DNAH17: variants seen among roughly 807,000 people sequenced by gnomAD.
DNAH17 encodes the protein axonemal beta dynein heavy chain 17.
In DNAH17, 376 loss-of-function variants were observed where a neutral mutation model predicts 485.6. The ratio of observed to expected loss-of-function variants is 0.77; its 90% CI spans 0.71 to 0.84. DNAH17 has a LOEUF of 0.84. Ranked by LOEUF, DNAH17 falls within the 40% of genes least tolerant of loss-of-function variation. The pLI is 0.00. For synonymous variants in DNAH17, 3,031 were observed against 2,405.9 expected (o/e 1.26, Z -7.60); for missense variants, 6,370 against 5,839.3 (o/e 1.09, Z -2.96).
chr17:78,564,200 C>T (rs911477629), intron 11 of DNAH17, among the ~76,000 whole-genome samples: 4 of 152,208 alleles, frequency 2.6e-5, no homozygotes, highest in African/African-American at 7.2e-5. Context: ...TCCCCACTGC[C>T]GGATCCCCTA....
chr17:78,564,434 A>AGG lies in DNAH17; in HGVS notation c.1569+2178_1569+2179dup, dbSNP rs571334480. 6.6e-5 allele frequency among the ~76,000 whole-genome samples: 10 copies of AGG among 152,226 alleles called. 1 individual carries two copies. In the South Asian group the frequency reaches 2.1e-3, roughly 32 times the overall value. On this transcript the variant is annotated intron_variant, in intron 11 of 80. Coordinates refer to ENST00000389840, the MANE Select transcript of DNAH17 (RefSeq NM_173628.4). ...AGCACCTCCCCGTGGAGCCAGTGTT[A>AGG]GGGGTGCAGGAGCCACAGAAGCCAG... is the stretch of plus-strand genomic sequence containing the variant.
rs781655963 is a variant in DNAH17 at position 78,558,192 on chromosome 17, G to A, written c.2094C>T (p.Asp698=). ...TCTCTGAGAACAGACTCTCCGCACTGTCTGGAATCTCTTTCTGTTGCTGGA... is the reference window on the plus strand; with the variant it reads ...TCTCTGAGAACAGACTCTCCGCACTATCTGGAATCTCTTTCTGTTGCTGGA... ...LNFQQQKEIP[D]SAESLFSENE... The change falls in exon 14 of 81, where the codon GAC becomes GAT. Residue 698 remains aspartate, a synonymous_variant. Transcript: ENST00000389840. 5.0e-6 allele frequency: 8 copies of A among 1,613,740 alleles called. No individual in the cohort carries two copies. In the East Asian group the frequency reaches 6.7e-5, roughly 13 times the overall value.
intron 16 of DNAH17, among the ~76,000 whole-genome samples, chr17:78,551,292 G>C (rs2091896072): frequency 6.6e-6 from 1 of 152,218 alleles, no homozygotes; most frequent in Admixed American, 6.5e-5. Flanking sequence ...GCACTGGCCT[G>C]GCACAGAGGG....
chr17:78,446,170 T>A (rs1370328365), intron 69 of DNAH17, among the ~76,000 whole-genome samples: 2 of 2,924 alleles, frequency 6.8e-4, no homozygotes, highest in Non-Finnish European at 2.3e-3. Flanking sequence ...TGAGACTCTG[T>A]CTCAAAAAAA....
At chr17:78,503,104 TCTC>T in intron 31 of DNAH17, 93 bp from the exon 32 acceptor site, 1 of 1,431,456 alleles carries the variant, frequency 7.0e-7, no homozygotes, top group Non-Finnish European at 9.2e-7. Context: ...GAAAAACATT[TCTC>T]ATCATCCTCA....
chr17:78,527,122 C>T lies in DNAH17; in HGVS notation c.3508-126G>A, dbSNP rs1284055084. The stretch of plus-strand genomic sequence containing the variant: ...GCAGGGGCCGGCGCGGTGGCTCACA[C>T]CTGTAATCTCAGCACTTTGGGAGGC... On this transcript the variant is annotated intron_variant, in intron 22 of 80. Coordinates refer to ENST00000389840, the MANE Select transcript of DNAH17 (RefSeq NM_173628.4). 10 of 716,726 alleles carry T rather than the reference C, an allele frequency of 1.4e-5. No individual in the cohort carries two copies. The East Asian group carries it at 2.6e-4, about 18-fold the overall frequency. 44.4% of individuals were successfully genotyped at this position (716,726 alleles called of 1,614,324 possible).
In DNAH17 at chr17:78,476,612, A is replaced by G. The variant is rs888812502; in HGVS notation, c.8114T>C (p.Leu2705Ser). The G allele has an allele frequency of 1.9e-6, 3 of 1,611,540 alleles. No individual in the cohort carries two copies. The highest frequency in any genetic ancestry group is 2.5e-6 in the Non-Finnish European group (3 of 1,178,946). ...KMVDEKDQET[L>S]HRVTMASTKK... ...GGTGGAGGCCATGGTGACTCTATGC[A>G]ATGTTTCCTGGTCTTTTTCGTCAAC... Residue 2705 changes from leucine to serine, a missense_variant, in exon 52 of 81, where the codon TTG (leucine) becomes TCG (serine). Physicochemically the swap from Leu to Ser is moderately radical, Grantham distance 145 (BLOSUM62 -2). Transcript: ENST00000389840.
intron 14 of DNAH17, among the ~76,000 whole-genome samples, chr17:78,553,652 G>A (rs1368331529): frequency 2.0e-5 from 3 of 152,202 alleles, no homozygotes; most frequent in East Asian, 3.9e-4. Context: ...TTTGGAAATC[G>A]TATTTCAGGA....
rs977433756 is a variant in DNAH17 at position 78,461,430 on chromosome 17, G to T, written c.9339+114C>A. 7 of 1,157,070 alleles carry T rather than the reference G, an allele frequency of 6.0e-6. No individual in the cohort carries two copies. The South Asian group carries it at 1.1e-4, about 18-fold the overall frequency. 71.7% of individuals were successfully genotyped at this position (1,157,070 alleles called of 1,614,324 possible). ...TGGTTTAGGAACCTTGTCCTTCTAT[G>T]TAAGTCTCAGCCTTTCCCACGCCTG... On this transcript the variant is annotated intron_variant, in intron 58 of 80. Coordinates refer to ENST00000389840, the MANE Select transcript of DNAH17 (RefSeq NM_173628.4).
Position 78,459,801 on chromosome 17 carries a change from G to A in DNAH17, c.9636C>T (p.Ala3212=), listed in dbSNP as rs749803077. 10 of 1,614,044 alleles carry A rather than the reference G, an allele frequency of 6.2e-6. No individual in the cohort carries two copies. The highest frequency in any genetic ancestry group is 1.3e-5 in the African/African-American group (1 of 75,070). Residue 3212 remains alanine, a synonymous_variant, in exon 60 of 81, where the codon GCC becomes GCT. Transcript: ENST00000389840. ...CGACTCACTTGAAGGCCTTCAGGCA[G>A]GCCTCAGGGATGTGCTCCTTGTCGA... The part of the protein sequence containing the change: ...KKFDKEHIPE[A]CLKAFKPYQG...
chr17:78,510,811 G>T (rs1195307431), intron 26 of DNAH17: 1 of 316,832 alleles, frequency 3.2e-6, no homozygotes, highest in East Asian at 5.8e-5. Flanking sequence ...TTGGAAATAG[G>T]GTCTTTGCAG....
At chr17:78,512,214 G>T (rs950048670) in intron 26 of DNAH17, among the ~76,000 whole-genome samples, 1 of 152,226 alleles carries the variant, frequency 6.6e-6, no homozygotes, top group Non-Finnish European at 1.5e-5. Context: ...AAGCATTGCC[G>T]CTGTGCAGGC....
chr17:78,428,609 T>C lies in DNAH17; in HGVS notation c.12504A>G (p.Ser4168=). 1 of 1,613,938 alleles carries C rather than the reference T, an allele frequency of 6.2e-7. No homozygotes were observed. The highest frequency in any genetic ancestry group is 8.5e-7 in the Non-Finnish European group (1 of 1,179,886). The change falls in exon 77 of 81, where the codon TCA becomes TCG. Residue 4168 remains serine, a synonymous_variant. Coordinates refer to ENST00000389840, the MANE Select transcript of DNAH17 (RefSeq NM_173628.4). ...CCAGGACAGTGCGGAACAGCTTCTC[T>C]GAGGTGACCGTCAGAAAGCCAATCT... is the stretch of plus-strand genomic sequence containing the variant. ...NAEIGFLTVT[S]EKLFRTVLEM...
intron 80 of DNAH17, 77 bp downstream of exon 80, chr17:78,425,269 A>G: frequency 1.4e-6 from 2 of 1,438,324 alleles, no homozygotes; most frequent in Non-Finnish European, 1.9e-6. Flanking sequence ...TGTCTTTGCC[A>G]AGAGCTAGTT....
intron 20 of DNAH17, among the ~76,000 whole-genome samples, chr17:78,530,850 TCTAC>T (rs1014225984): frequency 1.8e-4 from 27 of 152,150 alleles, no homozygotes; most frequent in African/African-American, 4.6e-4. Context: ...AGCTCATCCT[TCTAC>T]CTGAGGCCTC....
intron 73 of DNAH17, 52 bp from the exon 74 acceptor site, chr17:78,437,920 C>T (rs959526040): frequency 1.0e-5 from 14 of 1,393,708 alleles, no homozygotes; most frequent in East Asian, 4.6e-5. Context: ...TCCTGGCCCA[C>T]GAGGAGAGAC....
rs757420044 is a variant in DNAH17, at chr17:78,575,071, T to C, written c.-14A>G. 5.6e-6 allele frequency: 9 copies of C among 1,603,180 alleles called. No homozygotes were observed. Among genetic ancestry groups the C allele is most frequent in the Middle Eastern group, 1.7e-4 (1 of 6,018 alleles). On this transcript the variant is annotated 5_prime_UTR_variant, in exon 2 of 81. Coordinates refer to ENST00000389840, the MANE Select transcript of DNAH17 (RefSeq NM_173628.4). ...GGCCATTGTCATCTTGGCCTTTCCT[T>C]ACACTGTGTATCTGTTAAGAGTGCA...
At chr17:78,560,128 A>C (rs11870241) in intron 13 of DNAH17, among the ~76,000 whole-genome samples, 107,542 of 152,018 alleles carry the variant, frequency 0.71, 38,229 homozygotes, top group African/African-American at 0.77. Context: ...GCCTGGAGGT[A>C]GGCTCTAGGA....
intron 17 of DNAH17, among the ~76,000 whole-genome samples, chr17:78,542,712 G>A (rs749005842): frequency 1.2e-4 from 19 of 152,316 alleles, no homozygotes; most frequent in Admixed American, 2.6e-4. Flanking sequence ...ATATGCTGTT[G>A]GGACTACTGG....
Sources: allele counts gnomAD v4.1 joint callset (sites outside exome capture counted in the v4.1 genomes callset), GRCh38; gene constraint gnomAD v4.1.1; transcripts MANE v1.5; gene names NCBI Gene and HGNC (gene_info 2026-07-23, HGNC 2026-07-21).